Variants in RANBP2 observed in about 807,000 individuals in gnomAD.
RANBP2 encodes the protein E3 SUMO-protein ligase RanBP2.
RANBP2 carries 57 observed loss-of-function variants against 303.6 expected under a neutral mutation model. The ratio of observed to expected loss-of-function variants is 0.19; its 90% CI spans 0.15 to 0.23. The LOEUF (loss-of-function observed/expected upper bound fraction) is 0.23, where lower values mean the gene tolerates loss of function less well. Ranked by LOEUF, RANBP2 falls within the 10% of genes least tolerant of loss-of-function variation. The pLI, the probability that RANBP2 is intolerant of heterozygous loss-of-function variation, is 1.00. For missense variants in RANBP2, 3,138 were observed against 3,780.8 expected, an observed-to-expected ratio of 0.83 and a Z score of 4.46; for synonymous variants, 1,167 against 1,301.5, an observed-to-expected ratio of 0.90 and a Z score of 2.23.
the RANBP2 span, among the ~76,000 whole-genome samples, chr2:109,712,843 T>C: frequency 6.6e-6 from 1 of 152,202 alleles, no homozygotes; most frequent in Non-Finnish European, 1.5e-5. Context: ...TTAAAAGAAA[T>C]GAAAATGAAA....
the RANBP2 span, among the ~76,000 whole-genome samples, chr2:109,064,492 G>T: frequency 4.8e-5 from 7 of 146,802 alleles, no homozygotes; most frequent in African/African-American, 1.7e-4. Flanking sequence ...CTGGTAAATG[G>T]CAGAGCTTTG....
At chr2:109,090,332 A>ACACC in the RANBP2 span, among the ~76,000 whole-genome samples, 39 of 142,780 alleles carry the variant, frequency 2.7e-4, no homozygotes, top group Admixed American at 9.7e-4. Context: ...ACACACACAC[A>ACACC]CACACACACA....
chr2:109,242,768 G>A, the RANBP2 span, among the ~76,000 whole-genome samples: 4 of 152,152 alleles, frequency 2.6e-5, no homozygotes, highest in Non-Finnish European at 2.9e-5. Flanking sequence ...CCCCAGTGAC[G>A]TCCTCAGGCT....
the RANBP2 span, chr2:109,616,072 T>A: frequency 1.3e-6 from 2 of 1,499,202 alleles, no homozygotes; most frequent in African/African-American, 2.8e-5. Flanking sequence ...GGGTAAAAAT[T>A]GCTTCTTTTA....
chr2:109,254,874 C>T, the RANBP2 span, among the ~76,000 whole-genome samples: 2 of 152,154 alleles, frequency 1.3e-5, no homozygotes, highest in African/African-American at 4.8e-5. Context: ...CGAATTCTCA[C>T]GGGTGGGCTC....
At chr2:109,305,733 G>A in the RANBP2 span, among the ~76,000 whole-genome samples, 53 of 152,342 alleles carry the variant, frequency 3.5e-4, no homozygotes, top group Non-Finnish European at 6.6e-4. Context: ...GCGGGAGGAC[G>A]CACATTCCAG....
At chr2:108,905,248 G>A in the RANBP2 span, among the ~76,000 whole-genome samples, 46 of 152,176 alleles carry the variant, frequency 3.0e-4, no homozygotes, top group African/African-American at 9.9e-4. Context: ...CTGTCCCAGG[G>A]GTGTGAACTC....
chr2:109,141,627 C>G, the RANBP2 span: 1 of 154,864 alleles, frequency 6.5e-6, no homozygotes, highest in South Asian at 2.0e-4. Flanking sequence ...ATTTAGGGTG[C>G]AGATCCCAGG....
At chr2:108,835,023 C>G in the RANBP2 span, among the ~76,000 whole-genome samples, 1 of 152,222 alleles carries the variant, frequency 6.6e-6, no homozygotes, top group Non-Finnish European at 1.5e-5. Flanking sequence ...TTGTTTTGCA[C>G]TTGCATTGAG....
At chr2:109,461,068 G>A in the RANBP2 span, among the ~76,000 whole-genome samples, 1 of 152,256 alleles carries the variant, frequency 6.6e-6, no homozygotes, top group African/African-American at 2.4e-5. Context: ...AGGCAGCATA[G>A]CAGGAGTGGT....
At chr2:109,606,427 TAAAAAA>T in the RANBP2 span, among the ~76,000 whole-genome samples, 3 of 151,820 alleles carry the variant, frequency 2.0e-5, no homozygotes, top group Non-Finnish European at 4.4e-5. Flanking sequence ...AAACAAAAAA[TAAAAAA>T]TAAAATGTGA....
At chr2:108,719,789 GGC>G in intron 1 of RANBP2, 111 bp downstream of exon 1, 2 of 1,504,418 alleles carry the variant, frequency 1.3e-6, no homozygotes, top group Non-Finnish European at 1.8e-6. Context: ...GCTCTGTTGA[GGC>G]GCCGGCCGGC....
chr2:109,485,778 T>C, the RANBP2 span, among the ~76,000 whole-genome samples: 3 of 152,372 alleles, frequency 2.0e-5, no homozygotes, highest in East Asian at 3.9e-4. Context: ...TCATAAGCTC[T>C]CCCTTCTGTA....
chr2:109,347,787 A>G, the RANBP2 span: 4 of 1,613,988 alleles, frequency 2.5e-6, no homozygotes, highest in Non-Finnish European at 3.4e-6. Context: ...AGGTGGATGA[A>G]CAGTGGTACC....
the RANBP2 span, among the ~76,000 whole-genome samples, chr2:109,162,320 A>G: frequency 6.6e-6 from 1 of 152,210 alleles, no homozygotes; most frequent in South Asian, 2.1e-4. Context: ...TACTGCGAGA[A>G]GTTGCTCTGA....
the RANBP2 span, among the ~76,000 whole-genome samples, chr2:109,209,767 C>T: frequency 6.6e-6 from 1 of 152,128 alleles, no homozygotes; most frequent in Admixed American, 6.5e-5. Context: ...GGTTTGTTCA[C>T]CTCCTGTGCT....
At chr2:109,545,798 T>C in the RANBP2 span, 7 of 1,425,056 alleles carry the variant, frequency 4.9e-6, no homozygotes, top group Non-Finnish European at 6.4e-6. Context: ...CACACTGTGA[T>C]GTATTTTTAT....
At chr2:108,994,525 C>A in the RANBP2 span, among the ~76,000 whole-genome samples, 1 of 152,024 alleles carries the variant, frequency 6.6e-6, no homozygotes, top group Non-Finnish European at 1.5e-5. Flanking sequence ...AAGGAAACCA[C>A]AAGAGTATTA....
chr2:108,753,862 C>T lies in RANBP2; in HGVS notation c.2093C>T (p.Ala698Val), dbSNP rs368695484. The T allele has an allele frequency of 3.1e-6, 5 of 1,611,920 alleles. No homozygotes were observed. The highest frequency in any genetic ancestry group is 2.7e-5 in the African/African-American group (2 of 74,952). ...AAGGCAGAAGACATTGAAAATGATG[C>T]CCTTTCTCCTGAAGAACAAGAAGAA... ...HRKAEDIEND[A>V]LSPEEQEECK... The change falls in exon 15 of 29, where the codon GCC becomes GTC. Residue 698 changes from alanine to valine, a missense_variant. Around this residue, in one of 20 missense-constraint regions of RANBP2, gnomAD observed 194 missense variants for 197.4 expected, o/e 0.98. Transcript: ENST00000283195.
Sources: gnomAD v4.1 joint callset for allele counts (sites outside exome capture counted in the v4.1 genomes callset) on GRCh38, gnomAD v4.1.1 for gene constraint, gnomAD v4.1.1 regional missense constraint, MANE v1.5 for transcripts, NCBI Gene and HGNC (gene_info 2026-07-23, HGNC 2026-07-21) for gene names.